Variants in AGBL4 observed in about 807,000 individuals in gnomAD.
The protein encoded by AGBL4 is AGBL carboxypeptidase 4.
A neutral mutation model predicts 66.4 loss-of-function variants in AGBL4; 58 were observed. The observed-to-expected ratio is 0.87, with a 90% CI of 0.71 to 1.09. The LOEUF (loss-of-function observed/expected upper bound fraction) is 1.09, where lower values mean the gene tolerates loss of function less well. AGBL4 is among the 50% of genes least tolerant of loss of function. The pLI, the probability that AGBL4 is intolerant of heterozygous loss-of-function variation, is 0.00. For synonymous variants in AGBL4, 234 were observed against 222.9 expected, an observed-to-expected ratio of 1.05 and a Z score of -0.44; for missense variants, 579 against 631.0, an observed-to-expected ratio of 0.92 and a Z score of 0.88.
At chr1:48,946,567 C>T (rs776892984) in intron 5 of AGBL4, among the ~76,000 whole-genome samples, 1 of 152,174 alleles carries the variant, frequency 6.6e-6, no homozygotes, top group Non-Finnish European at 1.5e-5. Context: ...ATTATAAAGT[C>T]TGAGGACCCT....
chr1:49,277,755 G>A (rs562099759), intron 3 of AGBL4, among the ~76,000 whole-genome samples: 2 of 150,478 alleles, frequency 1.3e-5, no homozygotes, highest in Non-Finnish European at 1.5e-5. Flanking sequence ...AAAAAAAGAC[G>A]GGTGTTCTTT....
chr1:48,559,895 C>G (rs1644371914), intron 11 of AGBL4, among the ~76,000 whole-genome samples: 2 of 152,102 alleles, frequency 1.3e-5, no homozygotes, highest in South Asian at 4.1e-4. Flanking sequence ...CTCACAGGAC[C>G]TGACACACAG....
At chr1:49,167,148 C>G (rs995360061) in intron 4 of AGBL4, among the ~76,000 whole-genome samples, 1 of 152,112 alleles carries the variant, frequency 6.6e-6, no homozygotes, top group Non-Finnish European at 1.5e-5. Flanking sequence ...CATTGTCACC[C>G]GTATAAAATA....
intron 4 of AGBL4, among the ~76,000 whole-genome samples, chr1:49,241,125 A>G (rs1651197664): frequency 6.6e-6 from 1 of 152,090 alleles, no homozygotes; most frequent in Admixed American, 6.6e-5. Flanking sequence ...CCTAAGGCAT[A>G]TTGCAAAAAC....
At chr1:49,485,228 C>T (rs553980871) in intron 3 of AGBL4, among the ~76,000 whole-genome samples, 3 of 151,792 alleles carry the variant, frequency 2.0e-5, no homozygotes, top group African/African-American at 7.3e-5. Flanking sequence ...CAATGATAGA[C>T]TGGATTAAGA....
intron 3 of AGBL4, among the ~76,000 whole-genome samples, chr1:49,332,092 G>C (rs1645346856): frequency 6.6e-6 from 1 of 152,194 alleles, no homozygotes; most frequent in Non-Finnish European, 1.5e-5. Context: ...AGGCTAGTTT[G>C]TTAGTTGTTT....
chr1:49,861,689 C>G (rs1435863231), intron 1 of AGBL4, among the ~76,000 whole-genome samples: 3 of 152,134 alleles, frequency 2.0e-5, no homozygotes, highest in Non-Finnish European at 4.4e-5. Flanking sequence ...GCCCAGAAAA[C>G]AGAGAGACTC....
At chr1:49,701,411 G>A (rs1255716192) in intron 2 of AGBL4, among the ~76,000 whole-genome samples, 1 of 152,020 alleles carries the variant, frequency 6.6e-6, no homozygotes, top group Non-Finnish European at 1.5e-5. Flanking sequence ...AACTTTTGGA[G>A]GTAATGGATA....
chr1:48,594,279 G>A lies in AGBL4; in HGVS notation c.952-3294C>T, dbSNP rs375465271. Among the ~76,000 whole-genome samples, 12 of 152,130 alleles carry A rather than the reference G, an allele frequency of 7.9e-5. No individual in the cohort carries two copies. In the East Asian group the frequency reaches 2.3e-3, roughly 29 times the overall value. Reference sequence around the variant, plus strand: ...GCAGATGTTGCAGTGAGCTGAGATCGCACCATTGCACTCTGGCCTGGGCAA... The same window carrying A: ...GCAGATGTTGCAGTGAGCTGAGATCACACCATTGCACTCTGGCCTGGGCAA... On this transcript the variant is annotated intron_variant, in intron 9 of 13. Coordinates refer to ENST00000371839, the MANE Select transcript of AGBL4 (RefSeq NM_032785.4).
intron 3 of AGBL4, among the ~76,000 whole-genome samples, chr1:49,479,993 C>T (rs981809001): frequency 6.6e-6 from 1 of 152,082 alleles, no homozygotes; most frequent in African/African-American, 2.4e-5. Context: ...AGGCGTGAGC[C>T]ACGGCGCCCG....
intron 3 of AGBL4, among the ~76,000 whole-genome samples, chr1:49,262,071 A>C (rs1653233512): frequency 6.6e-6 from 1 of 152,042 alleles, no homozygotes; most frequent in African/African-American, 2.4e-5. Flanking sequence ...AGGATTCCCT[A>C]TTTAATAAAT....
At chr1:48,875,206 A>G (rs1649102546) in intron 5 of AGBL4, among the ~76,000 whole-genome samples, 1 of 152,138 alleles carries the variant, frequency 6.6e-6, no homozygotes. Context: ...CAAGAAAAAT[A>G]TGGGAAAAGG....
chr1:49,147,088 T>C (rs1646232580), intron 4 of AGBL4, among the ~76,000 whole-genome samples: 3 of 152,144 alleles, frequency 2.0e-5, no homozygotes, highest in Admixed American at 2.0e-4. Flanking sequence ...AGATAGGTTT[T>C]TCTGTCCACA....
chr1:49,053,758 AT>A (rs1644262080), intron 4 of AGBL4, among the ~76,000 whole-genome samples: 1 of 152,154 alleles, frequency 6.6e-6, no homozygotes, highest in Non-Finnish European at 1.5e-5. Flanking sequence ...ACAAAAGTGT[AT>A]GTTTTAGGAA....
intron 4 of AGBL4, among the ~76,000 whole-genome samples, chr1:49,052,760 TG>T (rs1482594778): frequency 1.3e-5 from 2 of 152,158 alleles, no homozygotes; most frequent in Non-Finnish European, 1.5e-5. Flanking sequence ...CTTGTCACCT[TG>T]CATAAAACCT....
At chr1:49,570,867 G>C (rs923161631) in intron 3 of AGBL4, among the ~76,000 whole-genome samples, 4 of 151,944 alleles carry the variant, frequency 2.6e-5, no homozygotes, top group Non-Finnish European at 4.4e-5. Context: ...GTAAGTTTTT[G>C]TCAACTTTTT....
chr1:49,499,405 G>A (rs1203668047), intron 3 of AGBL4, among the ~76,000 whole-genome samples: 1 of 151,760 alleles, frequency 6.6e-6, no homozygotes, highest in Non-Finnish European at 1.5e-5. Flanking sequence ...AACAAGTGGT[G>A]TATGGTTACA....
chr1:49,809,065 C>T lies in AGBL4; in HGVS notation c.157+42331G>A, dbSNP rs867884639. Among the ~76,000 whole-genome samples, 7 of 152,246 alleles carry T rather than the reference C, an allele frequency of 4.6e-5. No homozygotes were observed. The East Asian group carries it at 1.2e-3, about 25-fold the overall frequency. On this transcript the variant is annotated intron_variant, in intron 2 of 13. Transcript: ENST00000371839. ...ATCAGTGTAAATATGGAGTTATGTG[C>T]TACCAATTGAATAATACTATTAAAT...
At chr1:48,591,351 G>A (rs144802824) in intron 9 of AGBL4, among the ~76,000 whole-genome samples, 24 of 152,156 alleles carry the variant, frequency 1.6e-4, no homozygotes, top group African/African-American at 3.6e-4. Context: ...CTAGACATTC[G>A]TGGAATTTAT....
Sources: gnomAD v4.1 joint callset for allele counts (sites outside exome capture counted in the v4.1 genomes callset) on GRCh38, gnomAD v4.1.1 for gene constraint, MANE v1.5 for transcripts, NCBI Gene and HGNC (gene_info 2026-07-23, HGNC 2026-07-21) for gene names.